Variants in ARHGAP18 observed in about 807,000 individuals in gnomAD.
ARHGAP18 encodes the protein Rho GTPase activating protein 18.
A neutral mutation model predicts 86.2 loss-of-function variants in ARHGAP18; 67 were observed. The observed-to-expected ratio is 0.78, with a 90% CI of 0.64 to 0.95. The LOEUF is 0.95. Ranked by LOEUF, ARHGAP18 falls within the 40% of genes least tolerant of loss-of-function variation. ARHGAP18 has a pLI of 0.00. For missense variants in ARHGAP18, 691 were observed against 780.4 expected (o/e 0.89, Z 1.37); for synonymous variants, 283 against 280.4 (o/e 1.01, Z -0.09).
intron 1 of ARHGAP18, among the ~76,000 whole-genome samples, chr6:129,648,710 G>T (rs1330817627): frequency 6.7e-6 from 1 of 149,014 alleles, no homozygotes; most frequent in Non-Finnish European, 1.5e-5. Flanking sequence ...TTAATACTGT[G>T]TCTTTACATT....
intron 12 of ARHGAP18, among the ~76,000 whole-genome samples, chr6:129,594,745 A>C (rs1788582353): frequency 2.6e-5 from 4 of 152,132 alleles, no homozygotes; most frequent in Non-Finnish European, 5.9e-5. Context: ...CTTCACATCC[A>C]ACCAGTATCC....
At chr6:129,592,803 G>T (rs1788543637) in intron 12 of ARHGAP18, among the ~76,000 whole-genome samples, 1 of 152,062 alleles carries the variant, frequency 6.6e-6, no homozygotes, top group Admixed American at 6.6e-5. Flanking sequence ...CATCAAAGCT[G>T]CCCCCTACAT....
Position 129,611,643 on chromosome 6 carries a change from G to A in ARHGAP18, c.1045-33C>T, listed in dbSNP as rs61743480. Reference sequence around the variant, plus strand: ...TAAACAGAGAAACATTCTAATTTCCGTATTTGTAACAGGTACAATTCCGAA... The same window carrying A: ...TAAACAGAGAAACATTCTAATTTCCATATTTGTAACAGGTACAATTCCGAA... On this transcript the variant is annotated intron_variant, in intron 7 of 14. Transcript: ENST00000368149. 5,312 of 1,583,438 alleles carry A rather than the reference G, an allele frequency of 3.4e-3. 146 individuals carry two copies. The African/African-American group carries it at 0.059, about 18-fold the overall frequency.
intron 1 of ARHGAP18, among the ~76,000 whole-genome samples, chr6:129,642,499 G>C (rs371773659): frequency 6.6e-6 from 1 of 150,876 alleles, no homozygotes; most frequent in East Asian, 2.0e-4. Flanking sequence ...TGCCCAGGTT[G>C]GTCTGAAACT....
At chr6:129,648,154 CTTT>C (rs548516326) in intron 1 of ARHGAP18, among the ~76,000 whole-genome samples, 1 of 148,710 alleles carries the variant, frequency 6.7e-6, no homozygotes, top group Admixed American at 6.7e-5. Context: ...TTCCAATGCA[CTTT>C]TTTTTTTAAT....
rs568419607 is a variant in ARHGAP18, at chr6:129,577,327, G to A, written c.*1186C>T. On this transcript the variant is annotated 3_prime_UTR_variant, in exon 15 of 15. Coordinates refer to ENST00000368149, the MANE Select transcript of ARHGAP18 (RefSeq NM_033515.3). Reference sequence around the variant, plus strand: ...TACTACTAAAAGTATCATGAACACCGTTTGTGCAGCATTCATTTACATCAC... The same window carrying A: ...TACTACTAAAAGTATCATGAACACCATTTGTGCAGCATTCATTTACATCAC... 15 of 152,124 alleles carry A rather than the reference G, an allele frequency of 9.9e-5. No individual in the cohort carries two copies. Among genetic ancestry groups the A allele is most frequent in the African/African-American group, 3.6e-4 (15 of 41,504 alleles). The allele number at this position is 152,124 out of a possible 1,614,324, so 9.4% of individuals were successfully genotyped here.
At chr6:129,620,311 G>C (rs993593404) in intron 5 of ARHGAP18, among the ~76,000 whole-genome samples, 6 of 152,210 alleles carry the variant, frequency 3.9e-5, no homozygotes, top group Non-Finnish European at 8.8e-5. Context: ...CATCATGCCA[G>C]TGCTCAAAAA....
intron 6 of ARHGAP18, 25 bp from the exon 7 acceptor site, chr6:129,616,328 C>A: frequency 6.4e-7 from 1 of 1,567,114 alleles, no homozygotes; most frequent in South Asian, 1.1e-5. Context: ...ATGAAATTTC[C>A]TCACTTTTGT....
chr6:129,698,970 G>A (rs993337671), intron 1 of ARHGAP18, among the ~76,000 whole-genome samples: 3 of 152,074 alleles, frequency 2.0e-5, no homozygotes, highest in African/African-American at 7.2e-5. Context: ...TGGGATTACA[G>A]GCATGAGCCA....
At position 129,577,789 on chromosome 6, in the gene ARHGAP18, G is replaced by T. The variant is rs565089869; in HGVS notation, c.*724C>A. The T allele has an allele frequency of 6.6e-6, 1 of 151,988 alleles. No homozygotes were observed. The highest frequency in any genetic ancestry group is 1.5e-5 in the Non-Finnish European group (1 of 67,996). The allele number at this position is 151,988 out of a possible 1,614,324, so 9.4% of individuals were successfully genotyped here. ...ATAATCCAATTATTATTTCACATGG[G>T]TATATTTTATTTATTCTTAGTATAT... On this transcript the variant is annotated 3_prime_UTR_variant, in exon 15 of 15. Coordinates refer to ENST00000368149, the MANE Select transcript of ARHGAP18 (RefSeq NM_033515.3).
rs547641487 is a variant in ARHGAP18 at position 129,583,853 on chromosome 6, A to G, written c.1838+135T>C. 11 of 1,128,892 alleles carry G rather than the reference A, an allele frequency of 9.7e-6. No individual in the cohort carries two copies. The African/African-American group carries it at 1.7e-4, about 18-fold the overall frequency. 69.9% of individuals were successfully genotyped at this position (1,128,892 alleles called of 1,614,324 possible). A position where few individuals can be genotyped will look rare whatever the true frequency, so the allele number is the denominator to read the frequency against. On this transcript the variant is annotated intron_variant, in intron 13 of 14. Coordinates refer to ENST00000368149, the MANE Select transcript of ARHGAP18 (RefSeq NM_033515.3). ...GCTGTTCTCTTCTGCTGGGAAGACA[A>G]TATTTTTAAGCATTTCATACTACCC...
chr6:129,634,054 G>T lies in ARHGAP18; in HGVS notation c.604C>A (p.Gln202Lys). ...QSLRTNENKYQGRDDEASNLV... is the reference protein window; with the variant it reads ...QSLRTNENKYKGRDDEASNLV... ...AGGTTCAACATACCATCTCTTCCTT[G>T]GTATTTGTTTTCATTTGTTCTAAGT... Residue 202 changes from glutamine to lysine, a missense_variant, in exon 4 of 15, where the codon CAA (glutamine) becomes AAA (lysine). By Grantham distance (53) the Gln-to-Lys change is moderately conservative. Transcript: ENST00000368149. 1.9e-6 allele frequency: 3 copies of T among 1,611,310 alleles called. No homozygotes were observed. The highest frequency in any genetic ancestry group is 2.5e-6 in the Non-Finnish European group (3 of 1,178,998).
intron 7 of ARHGAP18, among the ~76,000 whole-genome samples, chr6:129,613,772 C>A (rs146645708): frequency 6.6e-6 from 1 of 152,220 alleles, no homozygotes; most frequent in Admixed American, 6.5e-5. Flanking sequence ...TACTTTATAG[C>A]ATTCCTTTTA....
chr6:129,681,708 T>C (rs1235475567), intron 1 of ARHGAP18, among the ~76,000 whole-genome samples: 2 of 152,132 alleles, frequency 1.3e-5, no homozygotes, highest in Non-Finnish European at 2.9e-5. Flanking sequence ...GCAAAATAAA[T>C]AGCAAATCAA....
intron 1 of ARHGAP18, 130 bp downstream of exon 1, chr6:129,709,894 T>G (rs1774874865): frequency 7.3e-6 from 5 of 688,596 alleles, no homozygotes; most frequent in Non-Finnish European, 1.0e-5. Context: ...CAAACGTTGC[T>G]ACTGCTGCTG....
At chr6:129,595,549 T>G (rs1014430996) in intron 12 of ARHGAP18, among the ~76,000 whole-genome samples, 2 of 152,094 alleles carry the variant, frequency 1.3e-5, no homozygotes, top group African/African-American at 4.8e-5. Context: ...ATTTATATAC[T>G]CCCATCAACA....
chr6:129,698,036 TAATCTC>T (rs1774648580), intron 1 of ARHGAP18, among the ~76,000 whole-genome samples: 1 of 152,218 alleles, frequency 6.6e-6, no homozygotes, highest in Non-Finnish European at 1.5e-5. Context: ...TACTCAAACT[TAATCTC>T]AATTACTCAA....
At position 129,576,450 on chromosome 6, in the gene ARHGAP18, GACC is replaced by G. The variant is rs1788177401; in HGVS notation, c.*2060_*2062del. The G allele has an allele frequency of 6.6e-6, 1 of 152,178 alleles. No individual in the cohort carries two copies. The highest frequency in any genetic ancestry group is 1.5e-5 in the Non-Finnish European group (1 of 68,030). The allele number at this position is 152,178 out of a possible 1,614,324, so 9.4% of individuals were successfully genotyped here. ...TACTCCAATCTGGAAAACAGAGCAA[GACC>G]CTGTCTCTAAAAAATTTGAGATTTT... On this transcript the variant is annotated 3_prime_UTR_variant, in exon 15 of 15. Coordinates refer to ENST00000368149, the MANE Select transcript of ARHGAP18 (RefSeq NM_033515.3).
chr6:129,657,595 G>A (rs1014849261), intron 1 of ARHGAP18, among the ~76,000 whole-genome samples: 8 of 152,058 alleles, frequency 5.3e-5, no homozygotes, highest in South Asian at 2.1e-4. Flanking sequence ...CATCTGCATC[G>A]CAAAATACAT....
Sources: allele counts gnomAD v4.1 joint callset (sites outside exome capture counted in the v4.1 genomes callset), GRCh38; gene constraint gnomAD v4.1.1; transcripts MANE v1.5; gene names NCBI Gene and HGNC (gene_info 2026-07-23, HGNC 2026-07-21).